Variants in PABPC4L observed in about 807,000 individuals in gnomAD.
PABPC4L encodes poly(A) binding protein cytoplasmic 4 like, also known as polyadenylate-binding protein 4-like.
For synonymous variants in PABPC4L, 169 were observed against 164.1 expected (o/e 1.03, Z -0.23); for missense variants, 452 against 451.4 (o/e 1.00, Z -0.01).
chr4:134,195,657 C>T (rs1275005098), downstream of PABPC4L, among the ~76,000 whole-genome samples: 2 of 151,616 alleles, frequency 1.3e-5, no homozygotes, highest in Non-Finnish European at 3.0e-5. Context: ...GTTAAGAATG[C>T]CACTAAGAAG....
the PABPC4L span, among the ~76,000 whole-genome samples, chr4:134,057,823 T>G: frequency 6.6e-6 from 1 of 152,072 alleles, no homozygotes; most frequent in Non-Finnish European, 1.5e-5. Flanking sequence ...CTTTCTACCT[T>G]TCAGTCTTCT....
the PABPC4L span, among the ~76,000 whole-genome samples, chr4:134,006,051 A>G: frequency 6.6e-6 from 1 of 151,898 alleles, no homozygotes; most frequent in Non-Finnish European, 1.5e-5. Flanking sequence ...TGTGAAATAT[A>G]TACTTAATAT....
At chr4:134,064,559 T>G in the PABPC4L span, among the ~76,000 whole-genome samples, 1 of 152,094 alleles carries the variant, frequency 6.6e-6, no homozygotes, top group South Asian at 2.1e-4. Context: ...ATATCATTCA[T>G]GACCATATAG....
chr4:133,970,739 AG>A, the PABPC4L span, among the ~76,000 whole-genome samples: 4 of 152,092 alleles, frequency 2.6e-5, no homozygotes, highest in Non-Finnish European at 5.9e-5. Flanking sequence ...TTAGGTCATG[AG>A]AGCACAGCTC....
chr4:134,050,706 CAAAAAAAAAAA>C, the PABPC4L span, among the ~76,000 whole-genome samples: 1 of 83,018 alleles, frequency 1.2e-5, no homozygotes, highest in African/African-American at 5.3e-5. Flanking sequence ...CACCGTCTCC[CAAAAAAAAAAA>C]AAAAAAAAAA....
the PABPC4L span, among the ~76,000 whole-genome samples, chr4:133,953,057 C>T: frequency 2.6e-5 from 4 of 152,136 alleles, no homozygotes; most frequent in South Asian, 8.3e-4. Flanking sequence ...TCAAGGGTTC[C>T]TGGTGGGACC....
the PABPC4L span, among the ~76,000 whole-genome samples, chr4:134,061,393 A>G: frequency 6.6e-6 from 1 of 152,010 alleles, no homozygotes; most frequent in Non-Finnish European, 1.5e-5. Context: ...CAACAGGGTC[A>G]CTCCAAGATA....
At chr4:134,065,028 G>T in the PABPC4L span, among the ~76,000 whole-genome samples, 1 of 151,924 alleles carries the variant, frequency 6.6e-6, no homozygotes, top group African/African-American at 2.4e-5. Flanking sequence ...CCACGTTTTT[G>T]CTATTGTGAA....
the PABPC4L span, among the ~76,000 whole-genome samples, chr4:134,024,635 G>A: frequency 3.9e-5 from 6 of 152,106 alleles, no homozygotes; most frequent in African/African-American, 1.4e-4. Flanking sequence ...CAACTCTCTA[G>A]TGATATTGGG....
At chr4:134,188,547 C>T in the PABPC4L span, among the ~76,000 whole-genome samples, 1 of 152,030 alleles carries the variant, frequency 6.6e-6, no homozygotes, top group Non-Finnish European at 1.5e-5. Context: ...TTCTCCTTCA[C>T]TTTTGAAGAA....
the PABPC4L span, among the ~76,000 whole-genome samples, chr4:134,024,191 G>C: frequency 5.3e-5 from 8 of 151,962 alleles, no homozygotes; most frequent in African/African-American, 1.9e-4. Flanking sequence ...AATTCTTTCA[G>C]TTCTACTTAA....
At chr4:134,010,751 C>G in the PABPC4L span, 1 of 152,068 alleles carries the variant, frequency 6.6e-6, no homozygotes, top group South Asian at 2.1e-4. Flanking sequence ...CTCTTCTACC[C>G]ACAGTCCTTT....
chr4:134,059,755 A>G, the PABPC4L span, among the ~76,000 whole-genome samples: 2 of 151,972 alleles, frequency 1.3e-5, no homozygotes, highest in African/African-American at 4.8e-5. Flanking sequence ...GGAAAATAAA[A>G]GCTTCAAAAA....
chr4:134,158,299 T>C, the PABPC4L span, among the ~76,000 whole-genome samples: 1 of 152,044 alleles, frequency 6.6e-6, no homozygotes, highest in South Asian at 2.1e-4. Context: ...ACAGATACTT[T>C]ATTGTCTTCT....
At chr4:134,179,608 G>A in the PABPC4L span, among the ~76,000 whole-genome samples, 1 of 151,922 alleles carries the variant, frequency 6.6e-6, no homozygotes, top group East Asian at 1.9e-4. Flanking sequence ...GGATAAAAAT[G>A]GGAAACCAAA....
the PABPC4L span, among the ~76,000 whole-genome samples, chr4:134,001,445 C>G: frequency 6.6e-5 from 10 of 152,084 alleles, no homozygotes; most frequent in African/African-American, 2.4e-4. Context: ...CAACCTCAAC[C>G]AGTTGCCTTG....
the PABPC4L span, among the ~76,000 whole-genome samples, chr4:134,065,422 C>G: frequency 1.3e-5 from 2 of 151,910 alleles, no homozygotes; most frequent in Admixed American, 1.3e-4. Flanking sequence ...ATGTCCTTTG[C>G]CTGCTTTTTC....
the PABPC4L span, among the ~76,000 whole-genome samples, chr4:134,101,552 A>AG: frequency 6.6e-6 from 1 of 151,500 alleles, no homozygotes; most frequent in Non-Finnish European, 1.5e-5. Flanking sequence ...AGAAAAAAAA[A>AG]AGAATCTTAT....
the PABPC4L span, among the ~76,000 whole-genome samples, chr4:134,005,048 G>T: frequency 6.6e-6 from 1 of 151,788 alleles, no homozygotes; most frequent in Non-Finnish European, 1.5e-5. Context: ...CTATTGTACA[G>T]CATGGTGACT....
Sources: allele counts gnomAD v4.1 joint callset (sites outside exome capture counted in the v4.1 genomes callset), GRCh38; gene constraint gnomAD v4.1.1; transcripts MANE v1.5; gene names NCBI Gene and HGNC (gene_info 2026-07-23, HGNC 2026-07-21).